Variants in AP5M1 observed in about 807,000 individuals in gnomAD.
AP5M1 encodes AP-5 complex subunit mu-1.
AP5M1 carries 44 observed loss-of-function variants against 52.3 expected under a neutral mutation model. That is an observed-to-expected ratio of 0.84 (90% confidence interval 0.66 to 1.08). AP5M1 has a LOEUF of 1.08. Among genes scored for constraint, AP5M1 ranks in the 50% least tolerant of loss-of-function variants. The pLI is 0.00. For synonymous variants in AP5M1, 213 were observed against 199.0 expected, an observed-to-expected ratio of 1.07 and a Z score of -0.59; for missense variants, 526 against 568.4, an observed-to-expected ratio of 0.93 and a Z score of 0.76.
rs1324276359 is a variant in AP5M1, at chr14:57,280,181, T to A, written c.721-14T>A. ...TCTGAGATTTTGGTGATAATCTTTC[T>A]GTTTGCATTTCAGTGTGATTTGGAA... On this transcript the variant is annotated splice_polypyrimidine_tract_variant and intron_variant, in intron 2 of 7. Transcript: ENST00000261558. 6.3e-7 allele frequency: 1 copy of A among 1,588,652 alleles called. No individual in the cohort carries two copies.
At chr14:57,272,783 C>T (rs1884925312) in intron 1 of AP5M1, among the ~76,000 whole-genome samples, 1 of 152,148 alleles carries the variant, frequency 6.6e-6, no homozygotes, top group Non-Finnish European at 1.5e-5. Flanking sequence ...TATGCCATGC[C>T]ATTACTGGTG....
Position 57,282,893 on chromosome 14 carries a change from T to C in AP5M1, c.1089-41T>C, listed in dbSNP as rs1041338782. Reference sequence around the variant, plus strand: ...TGACTTAGATCTCTTAAAACTGTTATATCTATGATCTTTTTCTATTTTATC... The same window carrying C: ...TGACTTAGATCTCTTAAAACTGTTACATCTATGATCTTTTTCTATTTTATC... On this transcript the variant is annotated intron_variant, in intron 4 of 7. Coordinates refer to ENST00000261558, the MANE Select transcript of AP5M1 (RefSeq NM_018229.4). The C allele has an allele frequency of 3.6e-6, 5 of 1,370,062 alleles. No homozygotes were observed. The South Asian group carries it at 3.9e-5, about 11-fold the overall frequency. 84.9% of individuals were successfully genotyped at this position (1,370,062 alleles called of 1,614,324 possible).
In AP5M1 at chr14:57,290,452, T is replaced by C. The variant is rs886542526; in HGVS notation, c.*1568T>C. The C allele has an allele frequency of 4.6e-5, 7 of 151,994 alleles. No individual in the cohort carries two copies. Among genetic ancestry groups the C allele is most frequent in the Non-Finnish European group, 7.4e-5 (5 of 67,906 alleles). The allele number at this position is 151,994 out of a possible 1,614,324, so 9.4% of individuals were successfully genotyped here. Reference sequence around the variant, plus strand: ...AACTCAAAGCTTAACATTTCACTTATGTTGATAAGTTAATGGTAATGGAGC... The same window carrying C: ...AACTCAAAGCTTAACATTTCACTTACGTTGATAAGTTAATGGTAATGGAGC... On this transcript the variant is annotated 3_prime_UTR_variant, in exon 8 of 8. Transcript: ENST00000261558.
rs1288448383 is a variant in AP5M1, at chr14:57,296,026, C to T, written c.*7142C>T. The T allele has an allele frequency of 6.6e-6, 1 of 151,874 alleles. No homozygotes were observed. The highest frequency in any genetic ancestry group is 1.5e-5 in the Non-Finnish European group (1 of 67,902). The allele number at this position is 151,874 out of a possible 1,614,324, so 9.4% of individuals were successfully genotyped here. On this transcript the variant is annotated 3_prime_UTR_variant, in exon 8 of 8. Coordinates refer to ENST00000261558, the MANE Select transcript of AP5M1 (RefSeq NM_018229.4). ...TTGAACAATAGATGTACCAATTTGA[C>T]CTTTAAAAGTTCAATCTTTATTATA...
At position 57,298,487 on chromosome 14, in the gene AP5M1, G is replaced by A. The variant is rs1190304302; in HGVS notation, c.*9603G>A. Reference sequence around the variant, plus strand: ...TTCCTCCCAACTTTGTAGGGTTATTGTGAGCATTGAATGATACCAAGTTAT... The same window carrying A: ...TTCCTCCCAACTTTGTAGGGTTATTATGAGCATTGAATGATACCAAGTTAT... On this transcript the variant is annotated 3_prime_UTR_variant, in exon 8 of 8. Transcript: ENST00000261558. The A allele has an allele frequency of 3.3e-5, 5 of 152,118 alleles. No individual in the cohort carries two copies. Among genetic ancestry groups the A allele is most frequent in the Non-Finnish European group, 5.9e-5 (4 of 68,026 alleles). 9.4% of individuals were successfully genotyped at this position (152,118 alleles called of 1,614,324 possible).
chr14:57,274,223 G>A, intron 1 of AP5M1, 21 bp from the exon 2 acceptor site: 3 of 1,552,662 alleles, frequency 1.9e-6, no homozygotes, highest in Non-Finnish European at 8.7e-7. Flanking sequence ...CATTTATAAT[G>A]TTTCTGTTTC....
chr14:57,280,593 T>C (rs1885148608), intron 3 of AP5M1, among the ~76,000 whole-genome samples, 171 bp downstream of exon 3: 1 of 152,208 alleles, frequency 6.6e-6, no homozygotes, highest in African/African-American at 2.4e-5. Context: ...CTCATGCCTG[T>C]AATCCCAGCA....
Position 57,289,044 on chromosome 14 carries a change from G to T in AP5M1, c.*160G>T. The T allele has an allele frequency of 2.3e-6, 1 of 443,626 alleles. No homozygotes were observed. Among genetic ancestry groups the T allele is most frequent in the Admixed American group, 4.5e-5 (1 of 22,152 alleles). The allele number at this position is 443,626 out of a possible 1,614,324, so 27.5% of individuals were successfully genotyped here. ...TGGTGTTTGTAGTCTGATAGAGCTT[G>T]AAAGGACATTTTAAAAGCTAATGTC... On this transcript the variant is annotated 3_prime_UTR_variant, in exon 8 of 8. Transcript: ENST00000261558.
chr14:57,289,672 C>A lies in AP5M1; in HGVS notation c.*788C>A, dbSNP rs1885395675. 6.6e-6 allele frequency: 1 copy of A among 151,968 alleles called. No homozygotes were observed. The highest frequency in any genetic ancestry group is 6.6e-5 in the Admixed American group (1 of 15,220). The allele number at this position is 151,968 out of a possible 1,614,324, so 9.4% of individuals were successfully genotyped here. A position where few individuals can be genotyped will look rare whatever the true frequency, so the allele number is the denominator to read the frequency against. On this transcript the variant is annotated 3_prime_UTR_variant, in exon 8 of 8. Coordinates refer to ENST00000261558, the MANE Select transcript of AP5M1 (RefSeq NM_018229.4). ...GTGTTTTGTAATCATTTAATGTCTG[C>A]AGCCAAATTTTTAAAGGTAATTTAG...
rs143414348 is a variant in AP5M1 at position 57,274,336 on chromosome 14, T to C, written c.167T>C (p.Leu56Pro). 2.8e-5 allele frequency: 46 copies of C among 1,614,180 alleles called. No homozygotes were observed. The highest frequency in any genetic ancestry group is 3.9e-5 in the Non-Finnish European group (46 of 1,180,040). ...GATGGTCCCTTTCTTAAAGCACTGC[T>C]CTTTGAACTTAGATTATTGGATGAT... ...PEDGPFLKAL[L>P]FELRLLDDDK... Residue 56 changes from leucine to proline, a missense_variant, in exon 2 of 8, where the codon CTC becomes CCC. Transcript: ENST00000261558.
chr14:57,270,752 T>TAGA (rs1884874082), intron 1 of AP5M1, among the ~76,000 whole-genome samples: 1 of 152,252 alleles, frequency 6.6e-6, no homozygotes, highest in Non-Finnish European at 1.5e-5. Context: ...CACTGACAGA[T>TAGA]AACTCTTAAC....
In AP5M1 at chr14:57,283,493, G is replaced by A. The variant is rs143749209; in HGVS notation, c.1293+263G>A. Among the ~76,000 whole-genome samples, 321 of 152,334 alleles carry A rather than the reference G, an allele frequency of 2.1e-3. 2 individuals carry two copies. The highest frequency in any genetic ancestry group is 7.2e-3 in the African/African-American group (299 of 41,574). On this transcript the variant is annotated intron_variant, in intron 6 of 7. Coordinates refer to ENST00000261558, the MANE Select transcript of AP5M1 (RefSeq NM_018229.4). ...AGTCCCAGCTATTGGGGAGACTGAG[G>A]TGGGAGGATCGCTCAAGCCCAGGAG...
chr14:57,285,131 C>G (rs1332393136), intron 6 of AP5M1, among the ~76,000 whole-genome samples: 1 of 152,074 alleles, frequency 6.6e-6, no homozygotes, highest in African/African-American at 2.4e-5. Context: ...TTAAAGACAT[C>G]AAGAGAAATA....
At chr14:57,269,620 A>G (rs1010640150) in intron 1 of AP5M1, among the ~76,000 whole-genome samples, 4 of 152,092 alleles carry the variant, frequency 2.6e-5, no homozygotes, top group Non-Finnish European at 5.9e-5. Flanking sequence ...TATGTTTTCT[A>G]TTAGTATTGT....
chr14:57,280,025 G>A (rs1197033996), intron 2 of AP5M1, among the ~76,000 whole-genome samples, 170 bp from the exon 3 acceptor site: 2 of 152,142 alleles, frequency 1.3e-5, no homozygotes, highest in Non-Finnish European at 2.9e-5. Context: ...TCTCTGGCTT[G>A]GGTGTCTAAG....
intron 7 of AP5M1, 164 bp downstream of exon 7, chr14:57,286,483 A>C (rs781062856): frequency 1.6e-4 from 88 of 543,446 alleles, no homozygotes; most frequent in Non-Finnish European, 2.5e-4. Context: ...TGTACTTTAC[A>C]CTGCCCTCTG....
At chr14:57,272,238 G>T (rs995516695) in intron 1 of AP5M1, among the ~76,000 whole-genome samples, 2 of 152,100 alleles carry the variant, frequency 1.3e-5, no homozygotes. Context: ...GAATGACTTA[G>T]TTAAATTTTA....
intron 7 of AP5M1, 35 bp downstream of exon 7, chr14:57,286,354 T>A: frequency 7.4e-7 from 1 of 1,347,476 alleles, no homozygotes; most frequent in Non-Finnish European, 1.1e-6. Context: ...CTTAAGGGAA[T>A]TAAAATGGTG....
In AP5M1 at chr14:57,274,873, G is replaced by C. The variant is rs747887977; in HGVS notation, c.704G>C (p.Gly235Ala). 3.5e-5 allele frequency: 56 copies of C among 1,613,966 alleles called. No homozygotes were observed. Among genetic ancestry groups the C allele is most frequent in the Non-Finnish European group, 4.7e-5 (55 of 1,180,004 alleles). Residue 235 changes from glycine to alanine, a missense_variant, in exon 2 of 8, where the codon GGA (glycine) becomes GCA (alanine). Around this residue, in one of 3 missense-constraint regions of AP5M1, gnomAD observed 425 missense variants for 430.6 expected, o/e 0.99. Transcript: ENST00000261558. Reference protein sequence around the residue: ...QGIADTWQVVGTVTCKCDLEG... With the variant: ...QGIADTWQVVATVTCKCDLEG... ...ATAGCAGATACATGGCAAGTTGTTG[G>C]AACAGTGACTTGCAAGGTGAGATTT...
Sources: gnomAD v4.1 joint callset for allele counts (sites outside exome capture counted in the v4.1 genomes callset) on GRCh38, gnomAD v4.1.1 for gene constraint, gnomAD v4.1.1 regional missense constraint, MANE v1.5 for transcripts, NCBI Gene and HGNC (gene_info 2026-07-23, HGNC 2026-07-21) for gene names.